ROBO2: variants seen among roughly 807,000 people sequenced by gnomAD.
The protein encoded by ROBO2 is roundabout guidance receptor 2.
In ROBO2, 53 loss-of-function variants were observed where a neutral mutation model predicts 160.8. The ratio of observed to expected loss-of-function variants is 0.33; its 90% CI spans 0.26 to 0.41. The LOEUF (loss-of-function observed/expected upper bound fraction) is 0.41, where lower values mean the gene tolerates loss of function less well. Among genes scored for constraint, ROBO2 ranks in the 10% least tolerant of loss-of-function variants. ROBO2 has a pLI of 1.00. For missense variants in ROBO2, 1,577 were observed against 1,722.4 expected (o/e 0.92, Z 1.49); for synonymous variants, 664 against 611.7 (o/e 1.09, Z -1.26).
chr3:77,226,349 T>C (rs974042729), intron 2 of ROBO2, among the ~76,000 whole-genome samples: 1 of 152,098 alleles, frequency 6.6e-6, no homozygotes, highest in Non-Finnish European at 1.5e-5. Flanking sequence ...AATACAGTTT[T>C]AGTTTTCATT....
At chr3:75,976,360 T>C (rs201085874) in intron 2 of ROBO2, among the ~76,000 whole-genome samples, 1 of 151,612 alleles carries the variant, frequency 6.6e-6, no homozygotes, top group East Asian at 2.0e-4. Flanking sequence ...AATGTAATAC[T>C]ATTAAGCAAT....
In ROBO2 at chr3:77,224,339, CCTAA is replaced by C. The variant is rs1306789014; in HGVS notation, c.388+126004_388+126007del. ...TTTGAGTATCAGAGCTGAAAGATTG[CCTAA>C]CTAAGTAAAATACAGTATTTACAGG... On this transcript the variant is annotated intron_variant, in intron 2 of 25. Coordinates refer to ENST00000461745, the Ensembl canonical transcript of ROBO2. 7.2e-5 allele frequency among the ~76,000 whole-genome samples: 11 copies of C among 151,962 alleles called. No homozygotes were observed. In the East Asian group the frequency reaches 9.7e-4, roughly 13 times the overall value.
chr3:77,331,257 T>A (rs2153442070), intron 2 of ROBO2, among the ~76,000 whole-genome samples: 1 of 152,360 alleles, frequency 6.6e-6, no homozygotes, highest in African/African-American at 2.4e-5. Context: ...TTAGTGAAAG[T>A]GCCAATATCT....
intron 2 of ROBO2, among the ~76,000 whole-genome samples, chr3:76,383,664 T>G (rs537249727): frequency 6.6e-6 from 1 of 152,124 alleles, no homozygotes; most frequent in African/African-American, 2.4e-5. Context: ...ATATCTGATG[T>G]GCCGCAACTG....
intron 2 of ROBO2, among the ~76,000 whole-genome samples, chr3:76,144,898 A>G (rs930488738): frequency 7.0e-6 from 1 of 142,348 alleles, no homozygotes; most frequent in African/African-American, 2.4e-5. Context: ...ATCTGCAGCT[A>G]CAAGCTGGCT....
At chr3:77,024,952 C>T (rs2062868030) in intron 2 of ROBO2, among the ~76,000 whole-genome samples, 1 of 150,132 alleles carries the variant, frequency 6.7e-6, no homozygotes, top group Admixed American at 6.6e-5. Flanking sequence ...TTTGTCTTCT[C>T]CTCTTAGCTG....
chr3:76,498,954 T>C (rs2080311892), intron 2 of ROBO2, among the ~76,000 whole-genome samples: 2 of 152,192 alleles, frequency 1.3e-5, no homozygotes, highest in Non-Finnish European at 2.9e-5. Context: ...CCCAAAGTGC[T>C]GGGATTACAG....
At chr3:77,389,945 T>C (rs1319479216) in intron 2 of ROBO2, among the ~76,000 whole-genome samples, 1 of 152,174 alleles carries the variant, frequency 6.6e-6, no homozygotes. Context: ...TACTTGATCA[T>C]GTCAAACGCA....
chr3:77,214,824 C>T (rs1354567374), intron 2 of ROBO2, among the ~76,000 whole-genome samples: 1 of 152,106 alleles, frequency 6.6e-6, no homozygotes, highest in Non-Finnish European at 1.5e-5. Flanking sequence ...TATTTTATTC[C>T]TCCTTCACTT....
intron 2 of ROBO2, among the ~76,000 whole-genome samples, chr3:76,225,039 ACTT>A (rs1272440223): frequency 2.6e-5 from 4 of 152,188 alleles, no homozygotes; most frequent in African/African-American, 9.7e-5. Flanking sequence ...AAGTAACTAT[ACTT>A]CTTAATATAC....
intron 2 of ROBO2, among the ~76,000 whole-genome samples, chr3:75,967,196 C>G (rs1388815879): frequency 6.6e-6 from 1 of 151,598 alleles, no homozygotes; most frequent in East Asian, 2.0e-4. Context: ...GTAAGTATCT[C>G]AAGCTGAAAT....
intron 5 of ROBO2, among the ~76,000 whole-genome samples, chr3:77,517,986 G>A (rs1000513164): frequency 2.0e-5 from 3 of 151,478 alleles, no homozygotes; most frequent in African/African-American, 4.8e-5. Flanking sequence ...ACAGTATATG[G>A]TTGCTGTTAT....
At chr3:76,917,745 T>A (rs2076413890) in intron 2 of ROBO2, among the ~76,000 whole-genome samples, 1 of 150,522 alleles carries the variant, frequency 6.6e-6, no homozygotes. Context: ...TCTGGTGAGC[T>A]AAAAAAAAAT....
intron 2 of ROBO2, among the ~76,000 whole-genome samples, chr3:76,486,007 A>C (rs1232681443): frequency 6.6e-6 from 1 of 152,208 alleles, no homozygotes; most frequent in Non-Finnish European, 1.5e-5. Flanking sequence ...ACCTCAGTTC[A>C]ATCACTCTCC....
At chr3:76,560,571 C>G (rs2084104771) in intron 2 of ROBO2, among the ~76,000 whole-genome samples, 1 of 149,126 alleles carries the variant, frequency 6.7e-6, no homozygotes, top group African/African-American at 2.5e-5. Context: ...ATTAGCACTA[C>G]TGATATGACT....
In ROBO2 at chr3:75,980,053, T is replaced by A. The variant is rs538162199; in HGVS notation, c.109+42451T>A. ...ATATAAACTTGTCTCACATTTGTAG[T>A]AGGTGTTTTCATGTTGCTATTAGCT... is the stretch of plus-strand genomic sequence containing the variant. On this transcript the variant is annotated intron_variant, in intron 2 of 26. Transcript: ENST00000487694. Among the ~76,000 whole-genome samples the A allele has an allele frequency of 5.9e-5, 9 of 151,742 alleles. No homozygotes were observed. The East Asian group carries it at 1.8e-3, about 30-fold the overall frequency.
At chr3:76,195,555 A>G (rs1293500050) in intron 2 of ROBO2, among the ~76,000 whole-genome samples, 2 of 152,200 alleles carry the variant, frequency 1.3e-5, no homozygotes, top group African/African-American at 4.8e-5. Flanking sequence ...TTAAACCAGT[A>G]AAGCCTTCAG....
At chr3:77,191,187 A>T (rs1392485924) in intron 2 of ROBO2, among the ~76,000 whole-genome samples, 1 of 152,134 alleles carries the variant, frequency 6.6e-6, no homozygotes, top group Non-Finnish European at 1.5e-5. Context: ...TGTATTAATG[A>T]CTTACTGGGT....
chr3:76,966,168 C>T (rs2149260697), intron 2 of ROBO2, among the ~76,000 whole-genome samples: 1 of 152,090 alleles, frequency 6.6e-6, no homozygotes, highest in African/African-American at 2.4e-5. Context: ...GTGATACACC[C>T]ACCTCGGCCT....
Sources: allele counts gnomAD v4.1 joint callset (sites outside exome capture counted in the v4.1 genomes callset), GRCh38; gene constraint gnomAD v4.1.1; transcripts MANE v1.5; gene names NCBI Gene and HGNC (gene_info 2026-07-23, HGNC 2026-07-21).